Variants in OPCML observed in about 807,000 individuals in gnomAD.
OPCML encodes the protein opioid binding protein/cell adhesion molecule like, also known as opioid-binding protein/cell adhesion molecule.
Under a neutral mutation model 37.8 loss-of-function variants are expected in OPCML, and 13 were observed. That is an observed-to-expected ratio of 0.34 (90% CI 0.22 to 0.55). OPCML has a LOEUF of 0.55. OPCML is among the 20% of genes least tolerant of loss of function. OPCML has a pLI of 0.91. For missense variants in OPCML, 341 were observed against 435.6 expected, an observed-to-expected ratio of 0.78 and a Z score of 1.93; for synonymous variants, 176 against 168.8, an observed-to-expected ratio of 1.04 and a Z score of -0.33.
At chr11:132,651,063 G>T (rs936377386) in intron 3 of OPCML, among the ~76,000 whole-genome samples, 1 of 152,172 alleles carries the variant, frequency 6.6e-6, no homozygotes, top group South Asian at 2.1e-4. Flanking sequence ...ACCGCTCCTT[G>T]GTGCAATCCC....
chr11:132,857,590 T>C (rs1353133191), intron 2 of OPCML, among the ~76,000 whole-genome samples: 4 of 152,204 alleles, frequency 2.6e-5, no homozygotes, highest in Non-Finnish European at 4.4e-5. Flanking sequence ...CTTAAAAATA[T>C]ATATATACTG....
At chr11:132,738,039 C>G (rs1219092838) in intron 2 of OPCML, among the ~76,000 whole-genome samples, 2 of 152,186 alleles carry the variant, frequency 1.3e-5, no homozygotes, top group East Asian at 1.9e-4. Context: ...AGCTCTCCCC[C>G]TGTAGGACAC....
intron 7 of OPCML, 95 bp downstream of exon 7, chr11:132,435,991 G>A (rs2096011722): frequency 1.5e-6 from 2 of 1,325,096 alleles, no homozygotes; most frequent in African/African-American, 2.9e-5. Context: ...AGGATGGATG[G>A]ACACAGGCCA....
chr11:132,718,048 A>G (rs1944552542), intron 2 of OPCML, among the ~76,000 whole-genome samples: 1 of 152,226 alleles, frequency 6.6e-6, no homozygotes, highest in Admixed American at 6.5e-5. Flanking sequence ...AGCAAACCAC[A>G]TCTCCCAGCC....
At chr11:133,145,441 G>T (rs1949883686) in intron 1 of OPCML, among the ~76,000 whole-genome samples, 2 of 152,158 alleles carry the variant, frequency 1.3e-5, no homozygotes, top group African/African-American at 4.8e-5. Context: ...AAATTGGTCA[G>T]CAAGCAAATT....
intron 1 of OPCML, among the ~76,000 whole-genome samples, chr11:132,958,636 T>C (rs1427031875): frequency 6.6e-6 from 1 of 152,196 alleles, no homozygotes. Flanking sequence ...AGCTGTTGAC[T>C]TTAAGTGAAA....
intron 1 of OPCML, among the ~76,000 whole-genome samples, chr11:133,102,931 A>G (rs964828787): frequency 6.6e-6 from 1 of 152,188 alleles, no homozygotes; most frequent in Non-Finnish European, 1.5e-5. Flanking sequence ...GAACTGTATC[A>G]GGTTCTCAGC....
intron 1 of OPCML, among the ~76,000 whole-genome samples, chr11:133,131,476 C>A (rs59116422): frequency 0.012 from 1,854 of 152,198 alleles, 48 homozygotes; most frequent in African/African-American, 0.041. Flanking sequence ...CCACTACAGA[C>A]CATTAAAATT....
intron 3 of OPCML, among the ~76,000 whole-genome samples, chr11:132,560,193 C>A (rs1426179953): frequency 6.6e-6 from 1 of 152,126 alleles, no homozygotes; most frequent in Non-Finnish European, 1.5e-5. Flanking sequence ...GACTTGGGGT[C>A]AGTAATTGTG....
At chr11:133,117,978 T>G in intron 1 of OPCML, 2 of 970,234 alleles carry the variant, frequency 2.1e-6, no homozygotes, top group Non-Finnish European at 2.5e-6. Flanking sequence ...GAACTGCAAG[T>G]GGAGGAGACA....
chr11:132,530,615 C>A (rs2512709), intron 3 of OPCML, among the ~76,000 whole-genome samples: 12 of 151,746 alleles, frequency 7.9e-5, no homozygotes, highest in Non-Finnish European at 1.3e-4. Flanking sequence ...GTCGAACGCC[C>A]AAAACCACCG....
chr11:133,516,326 C>T (rs1038704147), intron 1 of OPCML, among the ~76,000 whole-genome samples: 4 of 152,140 alleles, frequency 2.6e-5, no homozygotes, highest in Non-Finnish European at 5.9e-5. Flanking sequence ...GCTGAGAGAA[C>T]GCGACCTTGG....
At chr11:132,774,414 C>A (rs1946745441) in intron 2 of OPCML, among the ~76,000 whole-genome samples, 1 of 152,160 alleles carries the variant, frequency 6.6e-6, no homozygotes, top group Admixed American at 6.5e-5. Flanking sequence ...ATCGTACAGG[C>A]TCCGACCAAT....
chr11:132,992,733 A>T (rs1298594325), intron 1 of OPCML, among the ~76,000 whole-genome samples: 1 of 152,170 alleles, frequency 6.6e-6, no homozygotes, highest in Non-Finnish European at 1.5e-5. Context: ...AAAAATGACA[A>T]ATTTAGAATT....
intron 1 of OPCML, among the ~76,000 whole-genome samples, chr11:133,391,179 T>C (rs897283870): frequency 6.6e-6 from 1 of 152,194 alleles, no homozygotes; most frequent in Non-Finnish European, 1.5e-5. Context: ...GGCATACACG[T>C]GGCCCTGCTG....
Position 133,141,055 on chromosome 11 carries a change from G to GAAGAAGAAGAAGA in OPCML, c.62-198058_62-198046dup, listed in dbSNP as rs1949811095. 2.8e-5 allele frequency among the ~76,000 whole-genome samples: 2 copies of GAAGAAGAAGAAGA among 71,850 alleles called. 1 individual carries two copies. The highest frequency in any genetic ancestry group is 4.0e-4 in the Admixed American group (2 of 5,046). 47.1% of individuals were successfully genotyped at this position (71,850 alleles called of 152,430 possible). Reference sequence around the variant, plus strand: ...CGACGACGACGACGACGACGAAGAAGAAGAAGAAGAAGAAGAAGAAGAAGA... The same window carrying GAAGAAGAAGAAGA: ...CGACGACGACGACGACGACGAAGAAGAAGAAGAAGAAGAAAGAAGAAGAAGAAGAAGAAGAAGA... On this transcript the variant is annotated intron_variant, in intron 1 of 7. Transcript: ENST00000524381.
chr11:133,105,382 T>G (rs1949141517), intron 1 of OPCML, among the ~76,000 whole-genome samples: 1 of 152,196 alleles, frequency 6.6e-6, no homozygotes, highest in Admixed American at 6.5e-5. Context: ...AAAGATTTTC[T>G]AGGTTCAGGA....
chr11:133,007,087 A>G (rs1565394414), intron 1 of OPCML: 2 of 985,334 alleles, frequency 2.0e-6, no homozygotes, highest in Non-Finnish European at 1.2e-6. Flanking sequence ...ATGTCAAACC[A>G]GTTTAAGAGG....
At chr11:133,361,422 C>T (rs1460672875) in intron 1 of OPCML, 1 of 152,470 alleles carries the variant, frequency 6.6e-6, no homozygotes, top group African/African-American at 2.4e-5. Flanking sequence ...CCCTCCAGGT[C>T]CTGGCGGTGT....
Sources: gnomAD v4.1 joint callset for allele counts (sites outside exome capture counted in the v4.1 genomes callset) on GRCh38, gnomAD v4.1.1 for gene constraint, MANE v1.5 for transcripts, NCBI Gene and HGNC (gene_info 2026-07-23, HGNC 2026-07-21) for gene names.